The following SV2C variants were observed in gnomAD, a reference collection of about 807,000 sequenced individuals.
SV2C encodes synaptic vesicle glycoprotein 2C, also known as solute carrier family 22 member B3.
Under a neutral mutation model 79.7 loss-of-function variants are expected in SV2C, and 49 were observed. That is an observed-to-expected ratio of 0.61 (90% confidence interval 0.49 to 0.78). The LOEUF is 0.78. SV2C is among the 30% of genes least tolerant of loss of function. The pLI is 0.00. For synonymous variants in SV2C, 334 were observed against 333.2 expected, an observed-to-expected ratio of 1.00 and a Z score of -0.03; for missense variants, 833 against 912.9, an observed-to-expected ratio of 0.91 and a Z score of 1.13.
intron 2 of SV2C, among the ~76,000 whole-genome samples, chr5:76,171,714 G>A (rs1743271397): frequency 1.4e-5 from 2 of 141,572 alleles, no homozygotes; most frequent in African/African-American, 2.6e-5. Flanking sequence ...GGAGGTGGGG[G>A]GGTCAGCCCC....
At position 76,273,144 on chromosome 5, in the gene SV2C, AAG is replaced by A. The variant is rs1392137449; in HGVS notation, c.914-12016_914-12015del. ...ATTTGCATAAAAATCTTTTACAAAAAAGATATATATATATATATATATATATA... is the reference window on the plus strand; with the variant it reads ...ATTTGCATAAAAATCTTTTACAAAAAATATATATATATATATATATATATA... On this transcript the variant is annotated intron_variant, in intron 4 of 12. Coordinates refer to ENST00000502798, the MANE Select transcript of SV2C (RefSeq NM_014979.4). 3.1e-3 allele frequency among the ~76,000 whole-genome samples: 423 copies of A among 137,824 alleles called. 4 individuals are homozygous for A. Among genetic ancestry groups the A allele is most frequent in the African/African-American group, 0.011 (399 of 35,816 alleles). 90.4% of individuals were successfully genotyped at this position (137,824 alleles called of 152,430 possible).
intron 2 of SV2C, among the ~76,000 whole-genome samples, chr5:76,158,768 G>A (rs1168341806): frequency 6.6e-6 from 1 of 151,910 alleles, no homozygotes; most frequent in African/African-American, 2.4e-5. Flanking sequence ...AAGAATAGAA[G>A]ATGAAGGAAC....
At position 76,141,999 on chromosome 5, in the gene SV2C, C is replaced by T. The variant is rs530239546; in HGVS notation, c.580+9669C>T. Among the ~76,000 whole-genome samples, 4 of 152,214 alleles carry T rather than the reference C, an allele frequency of 2.6e-5. No individual in the cohort carries two copies. The South Asian group carries it at 6.2e-4, about 24-fold the overall frequency. ...TTGCACCCTTTCATGTGAAATCTAA[C>T]ATCCAAGTATTCTCACATAAACAAG... On this transcript the variant is annotated intron_variant, in intron 2 of 12. Coordinates refer to ENST00000502798, the MANE Select transcript of SV2C (RefSeq NM_014979.4).
At chr5:76,017,731 G>T in the SV2C span, among the ~76,000 whole-genome samples, 1 of 152,072 alleles carries the variant, frequency 6.6e-6, no homozygotes, top group Non-Finnish European at 1.5e-5. Flanking sequence ...TTTCCTGTTG[G>T]GGTGGATAAG....
chr5:76,209,974 AC>A, intron 4 of SV2C, 87 bp downstream of exon 4: 1 of 1,443,524 alleles, frequency 6.9e-7, no homozygotes, highest in Non-Finnish European at 9.2e-7. Context: ...TCTAAGGGCC[AC>A]TTTGAGAAAA....
At chr5:76,345,387 C>A (rs1048653655) in intron 12 of SV2C, among the ~76,000 whole-genome samples, 2 of 152,230 alleles carry the variant, frequency 1.3e-5, no homozygotes, top group Non-Finnish European at 2.9e-5. Context: ...ATAGACCCAG[C>A]TTCTCCTCTA....
chr5:76,063,349 A>G, the SV2C span, among the ~76,000 whole-genome samples: 1 of 152,118 alleles, frequency 6.6e-6, no homozygotes, highest in African/African-American at 2.4e-5. Context: ...GGTTCAGCCA[A>G]TCCTAGGACA....
At chr5:76,138,349 C>G (rs959406036) in intron 2 of SV2C, among the ~76,000 whole-genome samples, 7 of 152,124 alleles carry the variant, frequency 4.6e-5, no homozygotes, top group Non-Finnish European at 1.0e-4. Flanking sequence ...GAGAAGAACA[C>G]AAGGCTCTCC....
At chr5:75,914,386 G>A in the SV2C span, among the ~76,000 whole-genome samples, 452 of 152,192 alleles carry the variant, frequency 3.0e-3, 2 homozygotes, top group African/African-American at 9.7e-3. Context: ...TTATTATGAT[G>A]AAGGGAACTA....
intron 1 of SV2C, among the ~76,000 whole-genome samples, chr5:76,096,443 C>A (rs962362442): frequency 3.9e-5 from 6 of 152,178 alleles, no homozygotes; most frequent in Non-Finnish European, 7.4e-5. Context: ...CATTTATTTT[C>A]ATCCACAAAT....
At chr5:76,159,851 G>A (rs1057036870) in intron 2 of SV2C, among the ~76,000 whole-genome samples, 2 of 151,700 alleles carry the variant, frequency 1.3e-5, no homozygotes, top group Non-Finnish European at 2.9e-5. Flanking sequence ...TTTTGATGGG[G>A]GATACAATCC....
chr5:76,026,123 A>G, the SV2C span, among the ~76,000 whole-genome samples: 3,807 of 151,274 alleles, frequency 0.025, 173 homozygotes, highest in African/African-American at 0.088. Context: ...TGAATTGAGC[A>G]TGGAAAAGGA....
At chr5:75,873,104 A>C in the SV2C span, among the ~76,000 whole-genome samples, 2 of 152,238 alleles carry the variant, frequency 1.3e-5, no homozygotes, top group East Asian at 3.9e-4. Context: ...CATTATGTAC[A>C]AATATAAAAG....
At chr5:76,068,534 T>A in the SV2C span, among the ~76,000 whole-genome samples, 4 of 152,130 alleles carry the variant, frequency 2.6e-5, no homozygotes, top group Admixed American at 6.5e-5. Context: ...ATTATCACTG[T>A]AGGTTTTTGT....
rs370514609 is a variant in SV2C at position 76,101,440 on chromosome 5, C to T, written c.-102+17928C>T. Among the ~76,000 whole-genome samples the T allele has an allele frequency of 2.6e-5, 4 of 151,990 alleles. No homozygotes were observed. In the East Asian group the frequency reaches 7.7e-4, roughly 29 times the overall value. On this transcript the variant is annotated intron_variant, in intron 1 of 12. Transcript: ENST00000502798. ...TCATTCATTCTGTGAAGTGGCTAGC[C>T]CATATGTATTTATCATGTCTCTTGA...
intron 2 of SV2C, among the ~76,000 whole-genome samples, chr5:76,192,512 G>A (rs1051804220): frequency 6.6e-5 from 10 of 152,188 alleles, no homozygotes; most frequent in African/African-American, 2.4e-4. Flanking sequence ...TCTGCTCTGA[G>A]TTTTCAAGGA....
chr5:76,126,724 C>T (rs1748716575), intron 1 of SV2C, among the ~76,000 whole-genome samples: 2 of 152,018 alleles, frequency 1.3e-5, no homozygotes, highest in South Asian at 4.1e-4. Flanking sequence ...GAGCCCGAGT[C>T]TGCTGGCATG....
the SV2C span, among the ~76,000 whole-genome samples, chr5:75,892,687 T>C: frequency 6.6e-6 from 1 of 152,266 alleles, no homozygotes; most frequent in Admixed American, 6.5e-5. Context: ...AAGTAGTGTT[T>C]GGTTTTCTGT....
the SV2C span, among the ~76,000 whole-genome samples, chr5:76,008,222 A>G: frequency 6.6e-6 from 1 of 152,200 alleles, no homozygotes; most frequent in African/African-American, 2.4e-5. Flanking sequence ...TTCAGGGGGA[A>G]GTCATAAAGA....
Sources: allele counts gnomAD v4.1 joint callset (sites outside exome capture counted in the v4.1 genomes callset), GRCh38; gene constraint gnomAD v4.1.1; transcripts MANE v1.5; gene names NCBI Gene and HGNC (gene_info 2026-07-23, HGNC 2026-07-21).